ENDOV: variants seen among roughly 807,000 people sequenced by gnomAD.
The protein encoded by ENDOV is endonuclease V, also known as hEndoV.
A neutral mutation model predicts 39.4 loss-of-function variants in ENDOV; 37 were observed. That is an observed-to-expected ratio of 0.94 (90% CI 0.72 to 1.23). The LOEUF (loss-of-function observed/expected upper bound fraction) is 1.23. Ranked by LOEUF, ENDOV falls within the 50% of genes most tolerant of loss-of-function variation. The pLI, the probability that ENDOV is intolerant of heterozygous loss-of-function variation, is 0.00. For synonymous variants in ENDOV, 186 were observed against 163.4 expected (o/e 1.14, Z -1.05); for missense variants, 441 against 375.7 (o/e 1.17, Z -1.44).
chr17:80,419,503 G>T, intron 2 of ENDOV: 1 of 683,776 alleles, frequency 1.5e-6, no homozygotes. Flanking sequence ...GGAGCCTGTT[G>T]TGTGCTGGAC....
chr17:80,415,198 G>C lies in ENDOV; in HGVS notation c.4G>C (p.Ala2Pro). Residue 2 changes from alanine (A) to proline (P), a missense_variant, in exon 1 of 10, where the codon GCC (alanine) becomes CCC (proline). By Grantham distance (27) the Ala-to-Pro change is conservative (BLOSUM62 -1). Transcript: ENST00000518137. ...AAGGGGTGCCCGGGACGAAGCCATG[G>C]CCCTGGAGGCGGCGGGAGGGCCGCC... The part of the protein sequence containing the change: M[A>P]LEAAGGPPEE... The C allele has an allele frequency of 6.2e-7, 1 of 1,613,302 alleles. No individual in the cohort carries two copies. The highest frequency in any genetic ancestry group is 2.2e-5 in the East Asian group (1 of 44,870).
At chr17:80,415,347 G>C (rs2080940444) in intron 1 of ENDOV, 97 bp downstream of exon 1, 1 of 1,421,652 alleles carries the variant, frequency 7.0e-7, no homozygotes, top group Non-Finnish European at 9.7e-7. Flanking sequence ...TGGAATCGGA[G>C]CTGCCACCGC....
At chr17:80,435,781 ATT>A (rs1300432343) in intron 9 of ENDOV, among the ~76,000 whole-genome samples, 3 of 140,766 alleles carry the variant, frequency 2.1e-5, no homozygotes. Context: ...CGCCCAGCTA[ATT>A]TTTTTTTTTT....
At chr17:80,419,093 A>G (rs1334696521) in intron 2 of ENDOV, among the ~76,000 whole-genome samples, 1 of 151,364 alleles carries the variant, frequency 6.6e-6, no homozygotes, top group African/African-American at 2.4e-5. Context: ...GAATGGCGTG[A>G]ACCTGGGAGG....
rs750563320 is a variant in ENDOV, at chr17:80,424,990, AAG to A, written c.517-37_517-36del. On this transcript the variant is annotated intron_variant, in intron 5 of 9. Coordinates refer to ENST00000518137, the MANE Select transcript of ENDOV (RefSeq NM_173627.5). ...GACTTGCCTTCAGCCCTTCACCAAG[AAG>A]AGAGGGGTTTTTTTCCCCATTTTTC... 2.1e-5 allele frequency: 32 copies of A among 1,550,124 alleles called. No homozygotes were observed. The African/African-American group carries it at 2.9e-4, about 14-fold the overall frequency.
Position 80,425,680 on chromosome 17 carries a change from G to A in ENDOV, c.714+60G>A. ...GCTCCTCTGCTTCCTGCCACCTGCT[G>A]TTCAGGGCTCCCCAGCAGCTCAGCT... On this transcript the variant is annotated intron_variant, in intron 7 of 9. Coordinates refer to ENST00000518137, the MANE Select transcript of ENDOV (RefSeq NM_173627.5). 2.0e-6 allele frequency: 3 copies of A among 1,534,724 alleles called. No homozygotes were observed. In the South Asian group the frequency reaches 3.6e-5, roughly 18 times the overall value.
chr17:80,430,233 G>A lies in ENDOV; in HGVS notation c.838+402G>A, dbSNP rs1309951928. ...AGTGCCAGATCCTGAGAGCGCATGAGACGCTTTCCCGGAGCCGACGAAGGG... is the reference window on the plus strand; with the variant it reads ...AGTGCCAGATCCTGAGAGCGCATGAAACGCTTTCCCGGAGCCGACGAAGGG... On this transcript the variant is annotated intron_variant, in intron 9 of 9. Coordinates refer to ENST00000518137, the MANE Select transcript of ENDOV (RefSeq NM_173627.5). 4 of 1,471,288 alleles carry A rather than the reference G, an allele frequency of 2.7e-6. No homozygotes were observed. In the African/African-American group the frequency reaches 5.6e-5, roughly 21 times the overall value. 91.1% of individuals were successfully genotyped at this position (1,471,288 alleles called of 1,614,324 possible). A position where few individuals can be genotyped will look rare whatever the true frequency, so the allele number is the denominator to read the frequency against.
intron 5 of ENDOV, chr17:80,423,984 T>G: frequency 2.3e-5 from 7 of 309,972 alleles, no homozygotes; most frequent in Admixed American, 4.9e-5. Flanking sequence ...CACCCCGCCT[T>G]GCCCCAGCCC....
At chr17:80,428,541 G>A in intron 7 of ENDOV, 55 bp from the exon 8 acceptor site, 4 of 1,525,630 alleles carry the variant, frequency 2.6e-6, no homozygotes, top group Non-Finnish European at 2.7e-6. Context: ...AGCTCCTGGT[G>A]GGAAACTGGT....
At chr17:80,427,595 G>A (rs750354156) in intron 7 of ENDOV, 37 of 1,118,144 alleles carry the variant, frequency 3.3e-5, no homozygotes, top group Admixed American at 3.7e-5. Context: ...GGCGTGAGCC[G>A]AGGATCGTGT....
intron 7 of ENDOV, among the ~76,000 whole-genome samples, 174 bp downstream of exon 7, chr17:80,425,794 A>G (rs1308704202): frequency 6.6e-6 from 1 of 152,158 alleles, no homozygotes; most frequent in Non-Finnish European, 1.5e-5. Flanking sequence ...TGGGCCCTGC[A>G]GTCAGGACAG....
chr17:80,419,725 G>A (rs554440757), intron 2 of ENDOV: 12 of 698,808 alleles, frequency 1.7e-5, no homozygotes, highest in Admixed American at 6.0e-5. Context: ...TCACTGGTCA[G>A]TGGCCCTCTG....
At chr17:80,425,141 T>G in intron 6 of ENDOV, 41 bp downstream of exon 6, 8 of 1,536,606 alleles carry the variant, frequency 5.2e-6, no homozygotes, top group Non-Finnish European at 7.1e-6. Flanking sequence ...AGCCCCGGGG[T>G]AGGGGATCCT....
intron 2 of ENDOV, chr17:80,418,573 C>T (rs1256198756): frequency 6.6e-6 from 1 of 152,156 alleles, no homozygotes; most frequent in African/African-American, 2.4e-5. Flanking sequence ...ACAGTCTGGT[C>T]CACTGGTTCC....
At chr17:80,432,839 C>T (rs1183459958) in intron 9 of ENDOV, among the ~76,000 whole-genome samples, 1 of 152,132 alleles carries the variant, frequency 6.6e-6, no homozygotes, top group Admixed American at 6.5e-5. Context: ...TTTCTGCTCG[C>T]TCCCATTCCA....
intron 2 of ENDOV, chr17:80,419,269 G>T: frequency 3.1e-6 from 1 of 323,716 alleles, no homozygotes; most frequent in East Asian, 5.4e-5. Flanking sequence ...TTTAAAATAA[G>T]CTTTCCTGTG....
chr17:80,436,390 T>G lies in ENDOV; in HGVS notation c.*247T>G. The stretch of plus-strand genomic sequence containing the variant: ...ACGTTTGCAGTCTTTCACCACTAGA[T>G]GTGATGTGAGCTGTTAGATTTTCAA... On this transcript the variant is annotated 3_prime_UTR_variant, in exon 10 of 10. Coordinates refer to ENST00000518137, the MANE Select transcript of ENDOV (RefSeq NM_173627.5). 3 of 1,427,962 alleles carry G rather than the reference T, an allele frequency of 2.1e-6. No individual in the cohort carries two copies. Among genetic ancestry groups the G allele is most frequent in the Non-Finnish European group, 2.8e-6 (3 of 1,079,142 alleles). The allele number at this position is 1,427,962 out of a possible 1,614,324, so 88.5% of individuals were successfully genotyped here.
chr17:80,434,456 T>G (rs2083490461), intron 9 of ENDOV, among the ~76,000 whole-genome samples: 1 of 152,210 alleles, frequency 6.6e-6, no homozygotes, highest in Admixed American at 6.5e-5. Flanking sequence ...TGGGTATATA[T>G]ACCTAGGAGT....
chr17:80,427,671 C>A, intron 7 of ENDOV: 1 of 1,254,648 alleles, frequency 8.0e-7, no homozygotes. Flanking sequence ...TCAACAGGTT[C>A]ACCTCCTGCT....
Sources: gnomAD v4.1 joint callset for allele counts (sites outside exome capture counted in the v4.1 genomes callset) on GRCh38, gnomAD v4.1.1 for gene constraint, MANE v1.5 for transcripts, NCBI Gene and HGNC (gene_info 2026-07-23, HGNC 2026-07-21) for gene names.